Variants in NRG1 observed in about 807,000 individuals in gnomAD.
NRG1 encodes neuregulin 1, also known as pro-neuregulin-1, membrane-bound isoform.
In NRG1, 18 loss-of-function variants were observed where a neutral mutation model predicts 63.8. That is an observed-to-expected ratio of 0.28 (90% CI 0.19 to 0.42). The LOEUF is 0.42. NRG1 is among the 10% of genes least tolerant of loss of function. NRG1 has a pLI of 1.00. For synonymous variants in NRG1, 302 were observed against 301.3 expected, an observed-to-expected ratio of 1.00 and a Z score of -0.02; for missense variants, 762 against 814.7, an observed-to-expected ratio of 0.94 and a Z score of 0.79.
intron 1 of NRG1, among the ~76,000 whole-genome samples, chr8:31,711,157 A>T (rs1247376103): frequency 6.6e-6 from 1 of 152,108 alleles, no homozygotes. Context: ...TAAAAATTTT[A>T]CCAGTTCTGC....
chr8:32,509,775 C>A (rs1227001423), intron 1 of NRG1, among the ~76,000 whole-genome samples: 1 of 152,180 alleles, frequency 6.6e-6, no homozygotes, highest in African/African-American at 2.4e-5. Context: ...AACCTCTCCA[C>A]TTTCCACCTT....
chr8:31,769,828 A>G (rs1818438131), intron 1 of NRG1, among the ~76,000 whole-genome samples: 1 of 152,162 alleles, frequency 6.6e-6, no homozygotes, highest in African/African-American at 2.4e-5. Flanking sequence ...ACAAAGGACA[A>G]CTTCACTGAA....
intron 1 of NRG1, among the ~76,000 whole-genome samples, chr8:32,503,322 T>C (rs59995579): frequency 0.58 from 65,618 of 113,962 alleles, 18,648 homozygotes; most frequent in East Asian, 0.78. Context: ...AAAAAGGAAA[T>C]AAACTTAAAT....
At chr8:32,040,044 A>G (rs1372050237) in intron 1 of NRG1, among the ~76,000 whole-genome samples, 1 of 151,972 alleles carries the variant, frequency 6.6e-6, no homozygotes, top group African/African-American at 2.4e-5. Context: ...CAACAAAACA[A>G]ACAGACAAAA....
At chr8:32,348,139 A>G (rs941688458) in intron 1 of NRG1, among the ~76,000 whole-genome samples, 2 of 152,142 alleles carry the variant, frequency 1.3e-5, no homozygotes, top group African/African-American at 4.8e-5. Flanking sequence ...CTGCACACCC[A>G]CTTTCCTTTG....
intron 6 of NRG1, among the ~76,000 whole-genome samples, chr8:32,728,869 TC>T (rs1339451910): frequency 6.6e-6 from 1 of 151,974 alleles, no homozygotes; most frequent in Admixed American, 6.6e-5. Context: ...ATTGAGACCA[TC>T]CTGGCTAACA....
At chr8:32,296,769 GCTAT>G (rs1471640939) in intron 1 of NRG1, among the ~76,000 whole-genome samples, 1 of 152,022 alleles carries the variant, frequency 6.6e-6, no homozygotes, top group Non-Finnish European at 1.5e-5. Flanking sequence ...TCAAAGTCCT[GCTAT>G]CTAAAAATAA....
intron 1 of NRG1, among the ~76,000 whole-genome samples, chr8:31,900,273 A>ATTC (rs1831963146): frequency 6.6e-6 from 1 of 152,210 alleles, no homozygotes; most frequent in Admixed American, 6.5e-5. Context: ...ACTGGCGACC[A>ATTC]CACACAAAAA....
intron 3 of NRG1, among the ~76,000 whole-genome samples, chr8:32,612,343 A>G (rs1279848230): frequency 6.6e-6 from 1 of 152,102 alleles, no homozygotes; most frequent in Non-Finnish European, 1.5e-5. Flanking sequence ...GTTTTAATTA[A>G]AAAGATTAAC....
intron 1 of NRG1, among the ~76,000 whole-genome samples, chr8:32,284,854 A>G (rs761635645): frequency 4.6e-5 from 7 of 151,884 alleles, no homozygotes; most frequent in Non-Finnish European, 1.0e-4. Context: ...CAGCCTCACA[A>G]TTTTTTCTTT....
intron 1 of NRG1, among the ~76,000 whole-genome samples, chr8:31,697,888 CTT>C (rs1459098690): frequency 7.2e-6 from 1 of 139,568 alleles, no homozygotes; most frequent in African/African-American, 2.6e-5. Context: ...CTCTTTCTCT[CTT>C]TCTTTCTTTT....
chr8:31,981,671 C>T (rs769588917), intron 1 of NRG1, among the ~76,000 whole-genome samples: 14 of 152,000 alleles, frequency 9.2e-5, no homozygotes, highest in South Asian at 6.2e-4. Context: ...ATCCATTCTG[C>T]GACTTCACCA....
chr8:31,856,568 G>A (rs545045821), intron 1 of NRG1, among the ~76,000 whole-genome samples: 34 of 152,154 alleles, frequency 2.2e-4, no homozygotes, highest in Middle Eastern at 3.4e-3. Flanking sequence ...ATGTCCTCCC[G>A]TAGCTCGGAG....
At chr8:32,204,553 T>C (rs986742690) in intron 1 of NRG1, among the ~76,000 whole-genome samples, 1 of 152,170 alleles carries the variant, frequency 6.6e-6, no homozygotes, top group Non-Finnish European at 1.5e-5. Context: ...AGTCCCCTCA[T>C]TTGCAAAGTG....
chr8:31,972,048 C>T (rs532568435), intron 1 of NRG1, among the ~76,000 whole-genome samples: 3 of 152,338 alleles, frequency 2.0e-5, no homozygotes, highest in South Asian at 2.1e-4. Context: ...CGCATACACA[C>T]ATGCTCAGAC....
chr8:32,489,242 C>T (rs1826256879), intron 1 of NRG1, among the ~76,000 whole-genome samples: 1 of 152,142 alleles, frequency 6.6e-6, no homozygotes, highest in African/African-American at 2.4e-5. Flanking sequence ...TACACATGCT[C>T]ACCTGAGGCG....
In NRG1 at chr8:31,644,963, G is replaced by T. The variant is rs563502762; in HGVS notation, c.37+5532G>T. Among the ~76,000 whole-genome samples the T allele has an allele frequency of 8.3e-4, 127 of 152,168 alleles. 1 individual carries two copies. In the Middle Eastern group the frequency reaches 0.014, roughly 16 times the overall value. On this transcript the variant is annotated intron_variant, in intron 1 of 10. Transcript: ENST00000519301. Reference sequence around the variant, plus strand: ...TGAAAACAAAAAGTATACAATTAGGGTTCTTACTGATTCAAGCAATTTGTT... The same window carrying T: ...TGAAAACAAAAAGTATACAATTAGGTTTCTTACTGATTCAAGCAATTTGTT...
intron 1 of NRG1, among the ~76,000 whole-genome samples, chr8:31,928,867 A>T (rs2129619748): frequency 6.6e-6 from 1 of 152,254 alleles, no homozygotes; most frequent in Non-Finnish European, 1.5e-5. Context: ...GAGACTAAGA[A>T]GCGGGGAGGC....
chr8:31,718,795 A>G (rs1812617668), intron 1 of NRG1, among the ~76,000 whole-genome samples: 1 of 152,204 alleles, frequency 6.6e-6, no homozygotes, highest in Non-Finnish European at 1.5e-5. Flanking sequence ...AAGGAAAAAT[A>G]TTTCTGCAAT....
Sources: gnomAD v4.1 joint callset for allele counts (sites outside exome capture counted in the v4.1 genomes callset) on GRCh38, gnomAD v4.1.1 for gene constraint, MANE v1.5 for transcripts, NCBI Gene and HGNC (gene_info 2026-07-23, HGNC 2026-07-21) for gene names.